Variants in PCDHA2 observed in about 807,000 individuals in gnomAD.
PCDHA2 encodes the protein protocadherin alpha-2.
PCDHA2 carries 58 observed loss-of-function variants against 66.0 expected under a neutral mutation model. The observed-to-expected ratio is 0.88, with a 90% CI of 0.71 to 1.09. PCDHA2 has a LOEUF of 1.09. PCDHA2 is among the 50% of genes least tolerant of loss of function. The pLI is 0.00. For missense variants in PCDHA2, 1,267 were observed against 1,242.3 expected (o/e 1.02, Z -0.30); for synonymous variants, 634 against 554.0 (o/e 1.14, Z -2.03).
Position 141,010,924 on chromosome 5 carries a change from T to G in PCDHA2, c.*987T>G, listed in dbSNP as rs1016736721. 1 of 153,778 alleles carries G rather than the reference T, an allele frequency of 6.5e-6. No homozygotes were observed. Among genetic ancestry groups the G allele is most frequent in the Non-Finnish European group, 1.5e-5 (1 of 68,046 alleles). 9.5% of individuals were successfully genotyped at this position (153,778 alleles called of 1,614,324 possible). A position where few individuals can be genotyped will look rare whatever the true frequency, so the allele number is the denominator to read the frequency against. Reference sequence around the variant, plus strand: ...CCCCTAAACTCTCCTCAAAAGAGAATTCAGTCTACAGCCATTTAAATGATC... The same window carrying G: ...CCCCTAAACTCTCCTCAAAAGAGAAGTCAGTCTACAGCCATTTAAATGATC... On this transcript the variant is annotated 3_prime_UTR_variant, in exon 4 of 4. Transcript: ENST00000526136.
chr5:140,826,218 T>A (rs1768851358), intron 1 of PCDHA2, among the ~76,000 whole-genome samples: 1 of 152,214 alleles, frequency 6.6e-6, no homozygotes, highest in Non-Finnish European at 1.5e-5. Context: ...AAAAATCAAG[T>A]TTTGTGATAT....
At chr5:140,869,141 G>A in intron 1 of PCDHA2, 1 of 1,613,314 alleles carries the variant, frequency 6.2e-7, no homozygotes, top group Non-Finnish European at 8.5e-7. Context: ...GGCACCCCAC[G>A]ACTACAGCTC....
At position 140,795,739 on chromosome 5, in the gene PCDHA2, A is replaced by G. The variant is rs1554119562; in HGVS notation, c.775A>G (p.Thr259Ala). 1 of 1,614,070 alleles carries G rather than the reference A, an allele frequency of 6.2e-7. No individual in the cohort carries two copies. The highest frequency in any genetic ancestry group is 8.5e-7 in the Non-Finnish European group (1 of 1,180,018). ...ATTGTTAGAGAATACGGCAAATGGG[A>G]CCTTAGTGGTTAAGTTAAACGCTTC... is the stretch of plus-strand genomic sequence containing the variant. ...VKLLENTANG[T>A]LVVKLNASDA... Residue 259 changes from threonine to alanine, a missense_variant, in exon 1 of 4, where the codon ACC (threonine) becomes GCC (alanine). By Grantham distance (58) the Thr-to-Ala change is moderately conservative. Transcript: ENST00000526136.
At chr5:140,891,970 C>T (rs1554185021) in intron 1 of PCDHA2, among the ~76,000 whole-genome samples, 1 of 152,168 alleles carries the variant, frequency 6.6e-6, no homozygotes, top group African/African-American at 2.4e-5. Flanking sequence ...AGTAAATTTC[C>T]GTTCTCATAA....
rs2150153746 is a variant in PCDHA2, at chr5:140,828,302, C to A, written c.2388+30950C>A. On this transcript the variant is annotated intron_variant, in intron 1 of 3. Coordinates refer to ENST00000526136, the MANE Select transcript of PCDHA2 (RefSeq NM_018905.3). Reference sequence around the variant, plus strand: ...CCTGTTCAGGATGGCCTCCAAAGACCGCGAGGACCTTCTGGAGGTAAATCT... The same window carrying A: ...CCTGTTCAGGATGGCCTCCAAAGACAGCGAGGACCTTCTGGAGGTAAATCT... The A allele has an allele frequency of 1.9e-6, 3 of 1,614,148 alleles. No homozygotes were observed. The Admixed American group carries it at 5.0e-5, about 27-fold the overall frequency.
intron 1 of PCDHA2, among the ~76,000 whole-genome samples, chr5:140,972,866 G>A (rs1010114234): frequency 6.6e-6 from 1 of 152,046 alleles, no homozygotes; most frequent in Non-Finnish European, 1.5e-5. Context: ...GTTTCATCAT[G>A]TTGTCCAGGA....
rs1355633400 is a variant in PCDHA2 at position 140,846,435 on chromosome 5, C to G, written c.2388+49083C>G. ...TATCTCCCAGGCTGGAATGCAGTGG[C>G]GCAATCTCGGCTCACTGCAACCTCT... On this transcript the variant is annotated intron_variant, in intron 1 of 3. Transcript: ENST00000526136. Among the ~76,000 whole-genome samples, 18 of 133,632 alleles carry G rather than the reference C, an allele frequency of 1.3e-4. 1 individual carries two copies. Among genetic ancestry groups the G allele is most frequent in the African/African-American group, 4.0e-4 (14 of 35,360 alleles). 87.7% of individuals were successfully genotyped at this position (133,632 alleles called of 152,430 possible).
At chr5:140,862,533 G>C in intron 1 of PCDHA2, 1 of 435,668 alleles carries the variant, frequency 2.3e-6, no homozygotes, top group Non-Finnish European at 4.6e-6. Context: ...ACAGCCATCG[G>C]GTCCGTGGAA....
intron 1 of PCDHA2, chr5:140,803,546 G>C (rs1468023738): frequency 3.7e-6 from 6 of 1,614,060 alleles, no homozygotes; most frequent in Admixed American, 1.7e-5. Context: ...CAATTAGCCG[G>C]GATAGAGAGG....
intron 1 of PCDHA2, chr5:140,875,466 T>A (rs782683106): frequency 2.4e-5 from 39 of 1,599,908 alleles, no homozygotes; most frequent in Admixed American, 1.2e-4. Flanking sequence ...GGCCCTCATT[T>A]TCTGCAATGG....
intron 1 of PCDHA2, among the ~76,000 whole-genome samples, chr5:140,878,510 A>G (rs781881628): frequency 2.0e-5 from 3 of 152,250 alleles, no homozygotes; most frequent in Non-Finnish European, 4.4e-5. Flanking sequence ...ACGATACAGT[A>G]CAGTTGGTAA....
At chr5:140,966,248 G>C (rs2095985597) in intron 1 of PCDHA2, 2 of 322,664 alleles carry the variant, frequency 6.2e-6, no homozygotes, top group Non-Finnish European at 5.6e-6. Context: ...AAGCAGGGGA[G>C]AGACGGTGGA....
At chr5:141,002,559 G>C (rs2098085590) in intron 3 of PCDHA2, among the ~76,000 whole-genome samples, 2 of 152,192 alleles carry the variant, frequency 1.3e-5, no homozygotes. Context: ...GGATCCACCA[G>C]TTAGTGACCA....
intron 1 of PCDHA2, chr5:140,859,239 A>G (rs1025873150): frequency 1.3e-5 from 2 of 152,746 alleles, no homozygotes; most frequent in Admixed American, 1.3e-4. Flanking sequence ...AGTCATGCTT[A>G]TGTTTAATAA....
intron 1 of PCDHA2, chr5:140,807,885 T>G: frequency 6.2e-7 from 1 of 1,614,096 alleles, no homozygotes; most frequent in Non-Finnish European, 8.5e-7. Context: ...ATCACAGTAC[T>G]GGATGCCAAT....
rs1762953312 is a variant in PCDHA2 at position 140,802,575 on chromosome 5, T to C, written c.2388+5223T>C. On this transcript the variant is annotated intron_variant, in intron 1 of 3. Coordinates refer to ENST00000526136, the MANE Select transcript of PCDHA2 (RefSeq NM_018905.3). ...TGCGCCGGCATTCTCGCAGTCCGAG[T>C]ACACGGTGTTCGTGAAGGAGAACAA... The C allele has an allele frequency of 6.8e-6, 11 of 1,613,424 alleles. No individual in the cohort carries two copies. The highest frequency in any genetic ancestry group is 6.8e-6 in the Non-Finnish European group (8 of 1,179,886).
chr5:140,829,713 G>T, intron 1 of PCDHA2: 1 of 1,613,488 alleles, frequency 6.2e-7, no homozygotes, highest in Non-Finnish European at 8.5e-7. Context: ...CGCGACGCGG[G>T]CGTGCCGCCT....
intron 1 of PCDHA2, chr5:140,805,067 ACTTCAAT>A (rs1763504398): frequency 8.8e-6 from 14 of 1,593,442 alleles, no homozygotes; most frequent in Non-Finnish European, 9.3e-6. Flanking sequence ...CAGATATGGA[ACTTCAAT>A]CTTCAAATCC....
In PCDHA2 at chr5:140,967,289, C is replaced by A. The variant is rs782440125; in HGVS notation, c.2389-11660C>A. ...CTTTCACATAGAGAGTGCGCAGGAC[C>A]CCGACGTGGGCGCCAACTCAGTACA... On this transcript the variant is annotated intron_variant, in intron 1 of 3. Transcript: ENST00000526136. 3 of 1,612,910 alleles carry A rather than the reference C, an allele frequency of 1.9e-6. No homozygotes were observed. The East Asian group carries it at 6.7e-5, about 36-fold the overall frequency.
Sources: gnomAD v4.1 joint callset for allele counts (sites outside exome capture counted in the v4.1 genomes callset) on GRCh38, gnomAD v4.1.1 for gene constraint, MANE v1.5 for transcripts, NCBI Gene and HGNC (gene_info 2026-07-23, HGNC 2026-07-21) for gene names.